The following PTPRN2 variants were observed in gnomAD, a reference collection of about 807,000 sequenced individuals.
The protein encoded by PTPRN2 is protein tyrosine phosphatase receptor type N2.
PTPRN2 carries 74 observed loss-of-function variants against 118.8 expected under a neutral mutation model. That is an observed-to-expected ratio of 0.62 (90% CI 0.52 to 0.76). The LOEUF (loss-of-function observed/expected upper bound fraction) is 0.76. PTPRN2 is among the 30% of genes least tolerant of loss of function. The pLI is 0.00. For missense variants in PTPRN2, 1,481 were observed against 1,394.4 expected (o/e 1.06, Z -0.99); for synonymous variants, 641 against 608.0 (o/e 1.05, Z -0.80).
rs1352378004 is a variant in PTPRN2, at chr7:157,619,996, T to C, written c.2344+1366A>G. Reference sequence around the variant, plus strand: ...GCTGAAAGTGAGTGTGGCCGAGTGGTGCTCTCGAAGTGTGAGCTGACGAAG... The same window carrying C: ...GCTGAAAGTGAGTGTGGCCGAGTGGCGCTCTCGAAGTGTGAGCTGACGAAG... On this transcript the variant is annotated intron_variant, in intron 15 of 22. Transcript: ENST00000389418. The surrounding 1 kb of genome is among the most constrained non-coding windows in gnomAD (Gnocchi z 5.3). Among the ~76,000 whole-genome samples the C allele has an allele frequency of 6.6e-6, 1 of 152,174 alleles. No homozygotes were observed. The highest frequency in any genetic ancestry group is 1.5e-5 in the Non-Finnish European group (1 of 68,014).
intron 11 of PTPRN2, among the ~76,000 whole-genome samples, chr7:157,942,229 G>A (rs79703582): frequency 0.13 from 18,735 of 147,944 alleles, 1,344 homozygotes; most frequent in Middle Eastern, 0.18. Context: ...ACACACGGGA[G>A]TCCTCGGCAC....
chr7:157,893,020 C>T lies in PTPRN2; in HGVS notation c.1788+5653G>A, dbSNP rs916160399. ...CACGATGTCCGTGGGGTCAAGAGCTCGAGAAGAACCATCTTTTGAAATGTA... is the reference window on the plus strand; with the variant it reads ...CACGATGTCCGTGGGGTCAAGAGCTTGAGAAGAACCATCTTTTGAAATGTA... On this transcript the variant is annotated intron_variant, in intron 12 of 22. Transcript: ENST00000389418. The surrounding 1 kb of genome is among the most constrained non-coding windows in gnomAD (Gnocchi z 4.0). 5.4e-4 allele frequency among the ~76,000 whole-genome samples: 82 copies of T among 152,164 alleles called. No homozygotes were observed. The highest frequency in any genetic ancestry group is 1.8e-3 in the African/African-American group (74 of 41,426).
At chr7:157,663,810 G>A (rs1207332664) in intron 13 of PTPRN2, among the ~76,000 whole-genome samples, 1 of 152,226 alleles carries the variant, frequency 6.6e-6, no homozygotes, top group African/African-American at 2.4e-5. Flanking sequence ...AATTCATAAT[G>A]GAAATTCTAT....
chr7:157,671,059 C>T lies in PTPRN2; in HGVS notation c.2001+11666G>A, dbSNP rs1252198181. ...CCCATGGGCGGGCAGGACTCTGGAC[C>T]TGAGAATTGCACAGGATGGTTTCCA... is the stretch of plus-strand genomic sequence containing the variant. On this transcript the variant is annotated intron_variant, in intron 13 of 22. Coordinates refer to ENST00000389418, the MANE Select transcript of PTPRN2 (RefSeq NM_002847.5). The surrounding 1 kb of genome is among the most constrained non-coding windows in gnomAD (Gnocchi z 4.1). Among the ~76,000 whole-genome samples, 2 of 152,214 alleles carry T rather than the reference C, an allele frequency of 1.3e-5. No individual in the cohort carries two copies. Among genetic ancestry groups the T allele is most frequent in the Non-Finnish European group, 2.9e-5 (2 of 68,036 alleles).
intron 11 of PTPRN2, among the ~76,000 whole-genome samples, chr7:158,058,687 G>A (rs1160559732): frequency 3.3e-5 from 3 of 91,650 alleles, no homozygotes; most frequent in African/African-American, 1.5e-4. Context: ...CACTCCATCT[G>A]CCCACGGTGA....
intron 1 of PTPRN2, among the ~76,000 whole-genome samples, chr7:158,520,686 A>G (rs1274982804): frequency 4.6e-5 from 7 of 152,178 alleles, no homozygotes; most frequent in Non-Finnish European, 7.3e-5. Context: ...TTTAGAAAAG[A>G]CTATAACTCC....
chr7:158,314,824 T>C (rs1341115398), intron 3 of PTPRN2, among the ~76,000 whole-genome samples: 4 of 152,146 alleles, frequency 2.6e-5, no homozygotes, highest in Non-Finnish European at 4.4e-5. Flanking sequence ...CCACCCATGC[T>C]GGGACCCCCT....
intron 17 of PTPRN2, among the ~76,000 whole-genome samples, chr7:157,582,427 A>G (rs568385422): frequency 6.6e-6 from 1 of 152,354 alleles, no homozygotes; most frequent in South Asian, 2.1e-4. Context: ...CCATCAGGGA[A>G]ATGCAAATCA....
rs544244382 is a variant in PTPRN2 at position 157,977,415 on chromosome 7, A to G, written c.1724-78678T>C. Among the ~76,000 whole-genome samples the G allele has an allele frequency of 1.3e-5, 2 of 151,992 alleles. No homozygotes were observed. The highest frequency in any genetic ancestry group is 6.5e-5 in the Admixed American group (1 of 15,276). Reference sequence around the variant, plus strand: ...TTTATCAGAGATCTGGGAGCCAGGAAAGGTCTCCTGAGGGGATACTCAAGC... The same window carrying G: ...TTTATCAGAGATCTGGGAGCCAGGAGAGGTCTCCTGAGGGGATACTCAAGC... On this transcript the variant is annotated intron_variant, in intron 11 of 22. Coordinates refer to ENST00000389418, the MANE Select transcript of PTPRN2 (RefSeq NM_002847.5). This position sits in a 1 kb window ranked among gnomAD's most constrained non-coding sequence, Gnocchi z 4.6.
intron 1 of PTPRN2, among the ~76,000 whole-genome samples, chr7:158,502,031 C>G (rs918355590): frequency 1.3e-5 from 2 of 152,156 alleles, no homozygotes; most frequent in African/African-American, 2.4e-5. Flanking sequence ...CGGAGTAAAA[C>G]GCACCATCCT....
chr7:157,992,407 T>G (rs1158855110), intron 11 of PTPRN2, among the ~76,000 whole-genome samples: 1 of 152,218 alleles, frequency 6.6e-6, no homozygotes, highest in East Asian at 1.9e-4. Context: ...AGCTTCTGCC[T>G]GTGGGAAGAG....
At chr7:157,561,874 G>A (rs1799209236) in intron 21 of PTPRN2, among the ~76,000 whole-genome samples, 1 of 152,216 alleles carries the variant, frequency 6.6e-6, no homozygotes, top group African/African-American at 2.4e-5. Context: ...CCCACGCCTG[G>A]CAGGCAGCAG....
intron 11 of PTPRN2, among the ~76,000 whole-genome samples, chr7:158,077,067 A>G (rs547358903): frequency 3.8e-4 from 58 of 152,320 alleles, no homozygotes; most frequent in Admixed American, 2.2e-3. Context: ...TGTCTGCTTT[A>G]TGAGAGGCCA....
chr7:157,917,775 AG>A (rs1798488683), intron 11 of PTPRN2, among the ~76,000 whole-genome samples: 1 of 152,194 alleles, frequency 6.6e-6, no homozygotes. Flanking sequence ...GTGACAAGGA[AG>A]GGACGGCCCC....
chr7:158,443,699 AG>A (rs1340413997), intron 2 of PTPRN2, among the ~76,000 whole-genome samples: 1 of 151,846 alleles, frequency 6.6e-6, no homozygotes, highest in Non-Finnish European at 1.5e-5. Flanking sequence ...TCTTCCTACC[AG>A]GGGTGCCCAT....
intron 21 of PTPRN2, among the ~76,000 whole-genome samples, chr7:157,558,022 G>A (rs1798990741): frequency 6.7e-6 from 1 of 150,020 alleles, no homozygotes; most frequent in Admixed American, 6.7e-5. Context: ...TGAGGTGCTG[G>A]CAGCATCAAC....
chr7:158,409,430 G>A (rs1473733681), intron 2 of PTPRN2, among the ~76,000 whole-genome samples: 1 of 152,234 alleles, frequency 6.6e-6, no homozygotes, highest in Admixed American at 6.5e-5. Context: ...CATGAGCGTG[G>A]AGAGGGCACA....
At chr7:157,805,537 A>G (rs116900411) in intron 12 of PTPRN2, among the ~76,000 whole-genome samples, 2,881 of 152,336 alleles carry the variant, frequency 0.019, 79 homozygotes, top group South Asian at 0.12. Flanking sequence ...GGTGAAAATT[A>G]GACACATAGA....
chr7:158,568,849 C>T (rs967031239), intron 1 of PTPRN2, among the ~76,000 whole-genome samples: 14 of 152,090 alleles, frequency 9.2e-5, no homozygotes, highest in Admixed American at 7.9e-4. Context: ...AATATTCCTC[C>T]AGGCACAGGA....
Sources: allele counts gnomAD v4.1 joint callset (sites outside exome capture counted in the v4.1 genomes callset), GRCh38; gene constraint gnomAD v4.1.1; non-coding constraint Gnocchi (gnomAD v3.1); transcripts MANE v1.5; gene names NCBI Gene and HGNC (gene_info 2026-07-23, HGNC 2026-07-21).